KLF9: variants seen among roughly 807,000 people sequenced by gnomAD.
KLF9 encodes the protein KLF transcription factor 9.
A neutral mutation model predicts 17.3 loss-of-function variants in KLF9; 2 were observed. The observed-to-expected ratio is 0.12, with a 90% CI of 0.05 to 0.36. The LOEUF (loss-of-function observed/expected upper bound fraction) is 0.36. Among genes scored for constraint, KLF9 ranks in the 10% least tolerant of loss-of-function variants. The probability of loss-of-function intolerance (pLI) is 1.00; values close to 1 mark genes in which losing one functional copy is unlikely to be tolerated. For missense variants in KLF9, 226 were observed against 333.2 expected (o/e 0.68, Z 2.51); for synonymous variants, 138 against 139.2 (o/e 0.99, Z 0.06).
chr9:70,407,691 C>T (rs7858023), intron 1 of KLF9, among the ~76,000 whole-genome samples: 5,016 of 152,340 alleles, frequency 0.033, 174 homozygotes, highest in African/African-American at 0.09. Flanking sequence ...AGGGTCCTAA[C>T]AGCCTCCAGC....
Position 70,387,765 on chromosome 9 carries a change from C to T in KLF9, c.*11G>A, listed in dbSNP as rs1289673552. ...GGGGTCCATCCCTCCCTGGCTTCCA[C>T]GGGCAGCACCTCACAAAGCGTTGGC... is the stretch of plus-strand genomic sequence containing the variant. On this transcript the variant is annotated 3_prime_UTR_variant, in exon 2 of 2. Coordinates refer to ENST00000377126, the MANE Select transcript of KLF9 (RefSeq NM_001206.4). The T allele has an allele frequency of 2.7e-5, 43 of 1,610,840 alleles. No homozygotes were observed. Among genetic ancestry groups the T allele is most frequent in the African/African-American group, 5.3e-5 (4 of 74,832 alleles).
rs1445967961 is a variant in KLF9 at position 70,386,618 on chromosome 9, A to G, written c.*1158T>C. ...ACCAACAAACCTTTTTCCCCAAAAA[A>G]TAGGTGTTTCCAGATCTCATTACTG... On this transcript the variant is annotated 3_prime_UTR_variant, in exon 2 of 2. Coordinates refer to ENST00000377126, the MANE Select transcript of KLF9 (RefSeq NM_001206.4). The G allele has an allele frequency of 1.3e-5, 2 of 152,682 alleles. No homozygotes were observed. The highest frequency in any genetic ancestry group is 2.9e-5 in the Non-Finnish European group (2 of 68,052). 9.5% of individuals were successfully genotyped at this position (152,682 alleles called of 1,614,324 possible). A position where few individuals can be genotyped will look rare whatever the true frequency, so the allele number is the denominator to read the frequency against.
chr9:70,404,503 G>T (rs1043951751), intron 1 of KLF9, among the ~76,000 whole-genome samples: 1 of 152,028 alleles, frequency 6.6e-6, no homozygotes, highest in Admixed American at 6.6e-5. Flanking sequence ...GCTTGAGTAG[G>T]GGGTAGGGGG....
chr9:70,401,376 G>A (rs10746844), intron 1 of KLF9, among the ~76,000 whole-genome samples: 147,871 of 151,772 alleles, frequency 0.97, 72,152 homozygotes, highest in East Asian at 1. Flanking sequence ...ACATAGTGAA[G>A]CCCTGTCTCT....
At chr9:70,408,994 ATATGTGTATATATATATACACATATATG>A (rs1483599441) in intron 1 of KLF9, among the ~76,000 whole-genome samples, 4 of 83,490 alleles carry the variant, frequency 4.8e-5, no homozygotes, top group African/African-American at 5.0e-5. Flanking sequence ...CTATATATAT[ATATGTGTATATATATATACACATATATG>A]TATATATATA....
Position 70,413,919 on chromosome 9 carries a change from G to C in KLF9, c.-556C>G, listed in dbSNP as rs984505763. 1 of 152,666 alleles carries C rather than the reference G, an allele frequency of 6.6e-6. No individual in the cohort carries two copies. Among genetic ancestry groups the C allele is most frequent in the African/African-American group, 2.4e-5 (1 of 41,446 alleles). 9.5% of individuals were successfully genotyped at this position (152,666 alleles called of 1,614,324 possible). On this transcript the variant is annotated 5_prime_UTR_variant, in exon 1 of 2. Coordinates refer to ENST00000377126, the MANE Select transcript of KLF9 (RefSeq NM_001206.4). This position sits in a 1 kb window ranked among gnomAD's most constrained non-coding sequence, Gnocchi z 5.6. ...CTGACGGCTTCTGAACCCCTGCTCC[G>C]GCCGGTCCGCACCGTTCCGGCATTC...
rs1289673552 is a variant in KLF9 at position 70,387,765 on chromosome 9, C to A, written c.*11G>T. On this transcript the variant is annotated 3_prime_UTR_variant, in exon 2 of 2. Coordinates refer to ENST00000377126, the MANE Select transcript of KLF9 (RefSeq NM_001206.4). ...GGGGTCCATCCCTCCCTGGCTTCCA[C>A]GGGCAGCACCTCACAAAGCGTTGGC... 8 of 1,610,842 alleles carry A rather than the reference C, an allele frequency of 5.0e-6. No homozygotes were observed. Among genetic ancestry groups the A allele is most frequent in the Non-Finnish European group, 6.8e-6 (8 of 1,177,454 alleles).
At chr9:70,388,531 C>T (rs922195210) in intron 1 of KLF9, among the ~76,000 whole-genome samples, 1 of 152,152 alleles carries the variant, frequency 6.6e-6, no homozygotes, top group Admixed American at 6.5e-5. Flanking sequence ...AATGAGCTTG[C>T]CATTTGGTAC....
intron 1 of KLF9, among the ~76,000 whole-genome samples, chr9:70,388,757 TC>T (rs975328864): frequency 8.5e-5 from 13 of 152,298 alleles, no homozygotes; most frequent in South Asian, 4.1e-4. Flanking sequence ...ATCTGGTTGT[TC>T]CTGAGCATCT....
chr9:70,405,055 T>C (rs1429898538), intron 1 of KLF9, among the ~76,000 whole-genome samples: 1 of 152,226 alleles, frequency 6.6e-6, no homozygotes, highest in African/African-American at 2.4e-5. Context: ...TAACTGCCTG[T>C]CTTATGAAAG....
At chr9:70,404,664 C>A (rs2037244958) in intron 1 of KLF9, among the ~76,000 whole-genome samples, 1 of 152,008 alleles carries the variant, frequency 6.6e-6, no homozygotes, top group Non-Finnish European at 1.5e-5. Flanking sequence ...CTGGACTAAT[C>A]TGGAATTCTA....
At chr9:70,406,518 C>T (rs942950984) in intron 1 of KLF9, among the ~76,000 whole-genome samples, 8 of 152,202 alleles carry the variant, frequency 5.3e-5, no homozygotes, top group African/African-American at 1.7e-4. Context: ...ACTGCTGCCA[C>T]CAAGTGCTCT....
chr9:70,400,935 A>G (rs943839775), intron 1 of KLF9, among the ~76,000 whole-genome samples: 1 of 151,774 alleles, frequency 6.6e-6, no homozygotes, highest in African/African-American at 2.4e-5. Flanking sequence ...TCCCCACTCA[A>G]CCCTCCCCCT....
chr9:70,407,816 T>C (rs899554856), intron 1 of KLF9, among the ~76,000 whole-genome samples: 4 of 152,194 alleles, frequency 2.6e-5, no homozygotes, highest in African/African-American at 9.7e-5. Flanking sequence ...AAACAAACCC[T>C]ATAGCAAACC....
chr9:70,409,609 C>G (rs1277439445), intron 1 of KLF9, among the ~76,000 whole-genome samples: 1 of 152,078 alleles, frequency 6.6e-6, no homozygotes, highest in Non-Finnish European at 1.5e-5. Flanking sequence ...ATTACATTTT[C>G]AAATAATATG....
Position 70,394,504 on chromosome 9 carries a change from A to G in KLF9, c.506-6499T>C, listed in dbSNP as rs550627775. Among the ~76,000 whole-genome samples the G allele has an allele frequency of 1.2e-4, 19 of 152,326 alleles. No homozygotes were observed. In the South Asian group the frequency reaches 3.7e-3, roughly 30 times the overall value. ...GTAAAATAAAGGTAGTATAACTACT[A>G]AAGTCTAGCCCAAAGCATAAATGGA... is the stretch of plus-strand genomic sequence containing the variant. On this transcript the variant is annotated intron_variant, in intron 1 of 1. Transcript: ENST00000377126.
chr9:70,401,287 C>T (rs1459131085), intron 1 of KLF9, among the ~76,000 whole-genome samples: 1 of 151,914 alleles, frequency 6.6e-6, no homozygotes, highest in Admixed American at 6.6e-5. Context: ...CATGAGGATG[C>T]AATAAGCCGT....
In KLF9 at chr9:70,384,941, G is replaced by T. The variant is rs934134773; in HGVS notation, c.*2835C>A. 6.6e-6 allele frequency: 1 copy of T among 152,404 alleles called. No homozygotes were observed. The highest frequency in any genetic ancestry group is 1.9e-4 in the East Asian group (1 of 5,198). The allele number at this position is 152,404 out of a possible 1,614,324, so 9.4% of individuals were successfully genotyped here. On this transcript the variant is annotated 3_prime_UTR_variant, in exon 2 of 2. Transcript: ENST00000377126. ...GCATGATGTGGAGCTAAACCTTAAA[G>T]CCAGGGCATCATTCCACAATGGTGA...
intron 1 of KLF9, among the ~76,000 whole-genome samples, chr9:70,402,902 C>T (rs1179416326): frequency 6.6e-6 from 1 of 152,152 alleles, no homozygotes; most frequent in African/African-American, 2.4e-5. Flanking sequence ...GTAATCCCAA[C>T]ACTTTGAGAG....
Sources: gnomAD v4.1 joint callset for allele counts (sites outside exome capture counted in the v4.1 genomes callset) on GRCh38, gnomAD v4.1.1 for gene constraint, Gnocchi (gnomAD v3.1) non-coding constraint, MANE v1.5 for transcripts, NCBI Gene and HGNC (gene_info 2026-07-23, HGNC 2026-07-21) for gene names.